CFLAR: variants seen among roughly 807,000 people sequenced by gnomAD.
CFLAR encodes the protein CASP8 and FADD like apoptosis regulator, also known as CASP8 and FADD-like apoptosis regulator.
Under a neutral mutation model 51.1 loss-of-function variants are expected in CFLAR, and 14 were observed. That is an observed-to-expected ratio of 0.27 (90% CI 0.18 to 0.43). The LOEUF is 0.43. Ranked by LOEUF, CFLAR falls within the 20% of genes least tolerant of loss-of-function variation. The probability of loss-of-function intolerance (pLI) is 1.00; values close to 1 mark genes in which losing one functional copy is unlikely to be tolerated. For synonymous variants in CFLAR, 210 were observed against 211.6 expected, an observed-to-expected ratio of 0.99 and a Z score of 0.06; for missense variants, 390 against 566.5, an observed-to-expected ratio of 0.69 and a Z score of 3.16.
Position 201,168,046 on chromosome 2 carries a change from A to G in CFLAR, c.*4073A>G, listed in dbSNP as rs977884353. 4 of 152,242 alleles carry G rather than the reference A, an allele frequency of 2.6e-5. No homozygotes were observed. Among genetic ancestry groups the G allele is most frequent in the African/African-American group, 9.7e-5 (4 of 41,444 alleles). 9.4% of individuals were successfully genotyped at this position (152,242 alleles called of 1,614,324 possible). A position where few individuals can be genotyped will look rare whatever the true frequency, so the allele number is the denominator to read the frequency against. ...ATCACGAGGTCAGGAGATCAAGACC[A>G]TCCTGGCTAACATGTAAAACCCCGT... On this transcript the variant is annotated 3_prime_UTR_variant, in exon 10 of 10. Transcript: ENST00000309955.
chr2:201,135,802 T>A (rs905024221), intron 3 of CFLAR, among the ~76,000 whole-genome samples, 170 bp from the exon 4 acceptor site: 1 of 152,122 alleles, frequency 6.6e-6, no homozygotes, highest in East Asian at 1.9e-4. Context: ...TTTTTTTTAT[T>A]TTTTGTAGAG....
intron 8 of CFLAR, among the ~76,000 whole-genome samples, chr2:201,157,347 C>G (rs1401733796): frequency 2.0e-5 from 3 of 152,062 alleles, no homozygotes; most frequent in Non-Finnish European, 4.4e-5. Flanking sequence ...CGCCATGTTG[C>G]CCAGGCTGGT....
intron 8 of CFLAR, among the ~76,000 whole-genome samples, chr2:201,159,671 C>A (rs1459138171): frequency 6.6e-6 from 1 of 152,274 alleles, no homozygotes; most frequent in East Asian, 1.9e-4. Flanking sequence ...AAGCCTTTTC[C>A]TTTTACCGAT....
chr2:201,149,683 G>C, intron 7 of CFLAR, 71 bp from the exon 8 acceptor site: 2 of 1,152,674 alleles, frequency 1.7e-6, no homozygotes, highest in Non-Finnish European at 2.6e-6. Context: ...AGAAGAGATG[G>C]TATATGGGTG....
At chr2:201,128,426 T>A (rs973428115) in intron 1 of CFLAR, among the ~76,000 whole-genome samples, 2 of 152,208 alleles carry the variant, frequency 1.3e-5, no homozygotes, top group Non-Finnish European at 2.9e-5. Context: ...ATTTAATTTC[T>A]CCAGTTATTT....
intron 4 of CFLAR, 176 bp from the exon 5 acceptor site, chr2:201,140,181 C>G: frequency 1.5e-6 from 1 of 671,942 alleles, no homozygotes; most frequent in South Asian, 2.3e-5. Context: ...GCCCTATACT[C>G]CATTCTTCAT....
At chr2:201,144,083 A>G (rs1041008505) in intron 5 of CFLAR, 2 of 152,266 alleles carry the variant, frequency 1.3e-5, no homozygotes, top group Non-Finnish European at 2.9e-5. Context: ...TTTCTATCTG[A>G]TATGATCAGC....
chr2:201,163,597 TATC>T, intron 9 of CFLAR: 1 of 1,312,960 alleles, frequency 7.6e-7, no homozygotes, highest in Non-Finnish European at 9.7e-7. Flanking sequence ...CCACGTGGGT[TATC>T]ATCTGGCTGG....
rs1943811031 is a variant in CFLAR, at chr2:201,168,580, T to C, written c.*4607T>C. ...ACTGGCACAAGACAGGGATGCCGTC[T>C]CACCACTCCTATTTAACATAGTATT... On this transcript the variant is annotated 3_prime_UTR_variant, in exon 10 of 10. Transcript: ENST00000309955. 1 of 152,158 alleles carries C rather than the reference T, an allele frequency of 6.6e-6. No homozygotes were observed. Among genetic ancestry groups the C allele is most frequent in the Admixed American group, 6.6e-5 (1 of 15,262 alleles). The allele number at this position is 152,158 out of a possible 1,614,324, so 9.4% of individuals were successfully genotyped here. A position where few individuals can be genotyped will look rare whatever the true frequency, so the allele number is the denominator to read the frequency against.
Position 201,163,958 on chromosome 2 carries a change from C to T in CFLAR, c.1428C>T (p.Ile476=), listed in dbSNP as rs764654887. The T allele has an allele frequency of 3.7e-6, 6 of 1,613,660 alleles. No individual in the cohort carries two copies. In the African/African-American group the frequency reaches 6.7e-5, roughly 18 times the overall value. ...AGCACACTCTGAGAAAGAAACTTAT[C>T]CTCTCCTACACATAAGAAACCAAAA... is the stretch of plus-strand genomic sequence containing the variant. ...WLQHTLRKKL[I]LSYT Residue 476 remains isoleucine, a synonymous_variant, in exon 10 of 10, where the codon ATC becomes ATT. Coordinates refer to ENST00000309955, the MANE Select transcript of CFLAR (RefSeq NM_003879.7).
intron 2 of CFLAR, among the ~76,000 whole-genome samples, chr2:201,131,874 C>A (rs904189713): frequency 6.6e-6 from 1 of 152,108 alleles, no homozygotes; most frequent in Non-Finnish European, 1.5e-5. Flanking sequence ...TGTTTTCCTA[C>A]TTGTAAAGCG....
intron 9 of CFLAR, chr2:201,163,219 T>C (rs12721503): frequency 0.02 from 24,882 of 1,271,616 alleles, 348 homozygotes; most frequent in South Asian, 0.028. Flanking sequence ...GAAGGCTTTG[T>C]TATATAAACA....
chr2:201,138,912 C>T lies in CFLAR; in HGVS notation c.524-1445C>T. 2 of 663,066 alleles carry T rather than the reference C, an allele frequency of 3.0e-6. No individual in the cohort carries two copies. Among genetic ancestry groups the T allele is most frequent in the Non-Finnish European group, 5.7e-6 (2 of 352,502 alleles). The allele number at this position is 663,066 out of a possible 1,614,324, so 41.1% of individuals were successfully genotyped here. A position where few individuals can be genotyped will look rare whatever the true frequency, so the allele number is the denominator to read the frequency against. On this transcript the variant is annotated intron_variant, in intron 4 of 9. Coordinates refer to ENST00000309955, the MANE Select transcript of CFLAR (RefSeq NM_003879.7). This position sits in a 1 kb window ranked among gnomAD's most constrained non-coding sequence, Gnocchi z 4.0. Reference sequence around the variant, plus strand: ...TGGGTCAGGGCTGAGGTCAGGTCCACCTCATCAGCTATGAAGTCTATGAAT... The same window carrying T: ...TGGGTCAGGGCTGAGGTCAGGTCCATCTCATCAGCTATGAAGTCTATGAAT...
intron 5 of CFLAR, among the ~76,000 whole-genome samples, chr2:201,142,297 T>C (rs1465773560): frequency 6.7e-6 from 1 of 149,542 alleles, no homozygotes; most frequent in Non-Finnish European, 1.5e-5. Flanking sequence ...AAATATTATA[T>C]ATATATATAT....
chr2:201,155,876 C>T (rs935740033), intron 8 of CFLAR, among the ~76,000 whole-genome samples: 1 of 152,202 alleles, frequency 6.6e-6, no homozygotes, highest in Non-Finnish European at 1.5e-5. Context: ...CCTCCCACTT[C>T]AGCCTCCTGA....
rs1575697526 is a variant in CFLAR, at chr2:201,137,821, T to G, written c.523+1714T>G. The G allele has an allele frequency of 2.5e-6, 3 of 1,196,768 alleles. No individual in the cohort carries two copies. In the East Asian group the frequency reaches 7.0e-5, roughly 28 times the overall value. 74.1% of individuals were successfully genotyped at this position (1,196,768 alleles called of 1,614,324 possible). A position where few individuals can be genotyped will look rare whatever the true frequency, so the allele number is the denominator to read the frequency against. Reference sequence around the variant, plus strand: ...TTCTCCATGGCATCCAGTGAGCCCATGCCCTGGTACTTCTTGAGCTGCATT... The same window carrying G: ...TTCTCCATGGCATCCAGTGAGCCCAGGCCCTGGTACTTCTTGAGCTGCATT... On this transcript the variant is annotated intron_variant, in intron 4 of 9. Coordinates refer to ENST00000309955, the MANE Select transcript of CFLAR (RefSeq NM_003879.7).
At position 201,124,696 on chromosome 2, in the gene CFLAR, T is replaced by A. The variant is rs980783423; in HGVS notation, c.-137-5033T>A. On this transcript the variant is annotated intron_variant, in intron 1 of 9. Coordinates refer to ENST00000309955, the MANE Select transcript of CFLAR (RefSeq NM_003879.7). The surrounding 1 kb of genome is among the most constrained non-coding windows in gnomAD (Gnocchi z 4.7). Reference sequence around the variant, plus strand: ...GAAGGTAGATTTGGAGAGGGTGAGGTCTAAAGCAGGGGGAACAGAATGGCT... The same window carrying A: ...GAAGGTAGATTTGGAGAGGGTGAGGACTAAAGCAGGGGGAACAGAATGGCT... Among the ~76,000 whole-genome samples, 1 of 151,944 alleles carries A rather than the reference T, an allele frequency of 6.6e-6. No individual in the cohort carries two copies. Among genetic ancestry groups the A allele is most frequent in the Non-Finnish European group, 1.5e-5 (1 of 67,978 alleles).
rs1575604616 is a variant in CFLAR, at chr2:201,124,365, C to T, written c.-137-5364C>T. On this transcript the variant is annotated intron_variant, in intron 1 of 9. Coordinates refer to ENST00000309955, the MANE Select transcript of CFLAR (RefSeq NM_003879.7). This position sits in a 1 kb window ranked among gnomAD's most constrained non-coding sequence, Gnocchi z 4.7. ...TTTTGTTTTTCGAGACGGAGTTTCACTCTTGTTGCCCAGGCTGGAGTGCAG... is the reference window on the plus strand; with the variant it reads ...TTTTGTTTTTCGAGACGGAGTTTCATTCTTGTTGCCCAGGCTGGAGTGCAG... Among the ~76,000 whole-genome samples the T allele has an allele frequency of 6.6e-6, 1 of 152,274 alleles. No individual in the cohort carries two copies.
intron 5 of CFLAR, chr2:201,143,289 A>AT (rs919280563): frequency 1.3e-5 from 2 of 151,556 alleles, no homozygotes; most frequent in Admixed American, 6.6e-5. Context: ...TGAGACCAAC[A>AT]TGGAGAAACC....
Sources: allele counts gnomAD v4.1 joint callset (sites outside exome capture counted in the v4.1 genomes callset), GRCh38; gene constraint gnomAD v4.1.1; non-coding constraint Gnocchi (gnomAD v3.1); transcripts MANE v1.5; gene names NCBI Gene and HGNC (gene_info 2026-07-23, HGNC 2026-07-21).